RBFOX1: variants seen among roughly 807,000 people sequenced by gnomAD.
RBFOX1 encodes the protein RNA binding fox-1 homolog 1.
A neutral mutation model predicts 57.7 loss-of-function variants in RBFOX1; 8 were observed. The observed-to-expected ratio is 0.14, with a 90% CI of 0.08 to 0.25. The LOEUF (loss-of-function observed/expected upper bound fraction) is 0.25, where lower values mean the gene tolerates loss of function less well. RBFOX1 is among the 10% of genes least tolerant of loss of function. RBFOX1 has a pLI of 1.00. For missense variants in RBFOX1, 611 were observed against 548.5 expected (o/e 1.11, Z -1.14); for synonymous variants, 326 against 222.4 (o/e 1.47, Z -4.15).
chr16:7,482,079 C>G (rs372206595), intron 4 of RBFOX1, among the ~76,000 whole-genome samples: 1 of 152,230 alleles, frequency 6.6e-6, no homozygotes, highest in African/African-American at 2.4e-5. Flanking sequence ...GCGTCCACAC[C>G]TAGCAAGGGC....
intron 4 of RBFOX1, among the ~76,000 whole-genome samples, chr16:7,221,116 G>A (rs978001966): frequency 2.6e-4 from 40 of 151,954 alleles, no homozygotes; most frequent in Non-Finnish European, 4.9e-4. Context: ...TTGATTTGCT[G>A]CGTTTTATGT....
At chr16:7,569,453 C>A (rs1272032445) in intron 5 of RBFOX1, among the ~76,000 whole-genome samples, 1 of 152,228 alleles carries the variant, frequency 6.6e-6, no homozygotes, top group East Asian at 1.9e-4. Flanking sequence ...GGGGTGTTCA[C>A]TCTGACATTG....
At chr16:7,053,797 A>C (rs766637052) in intron 4 of RBFOX1, among the ~76,000 whole-genome samples, 3 of 152,188 alleles carry the variant, frequency 2.0e-5, no homozygotes, top group Admixed American at 2.0e-4. Flanking sequence ...TATGGCTCCA[A>C]TAGCCCCATC....
At chr16:6,765,363 G>C (rs983254015) in intron 3 of RBFOX1, among the ~76,000 whole-genome samples, 3 of 152,126 alleles carry the variant, frequency 2.0e-5, no homozygotes, top group Admixed American at 2.0e-4. Context: ...CGGCTTGTTG[G>C]AAAGTCCGTG....
chr16:7,590,379 G>C (rs1305451717), intron 7 of RBFOX1, among the ~76,000 whole-genome samples: 1 of 152,042 alleles, frequency 6.6e-6, no homozygotes, highest in Admixed American at 6.5e-5. Flanking sequence ...TGGGTGAATA[G>C]CAAGAATGCA....
intron 3 of RBFOX1, among the ~76,000 whole-genome samples, chr16:6,966,140 T>C (rs960907378): frequency 2.0e-5 from 3 of 152,126 alleles, no homozygotes; most frequent in African/African-American, 7.2e-5. Context: ...AAGGCATGGT[T>C]CCACTAAAAG....
intron 4 of RBFOX1, among the ~76,000 whole-genome samples, chr16:7,121,415 C>T (rs747999243): frequency 1.3e-5 from 2 of 152,038 alleles, no homozygotes; most frequent in African/African-American, 2.4e-5. Flanking sequence ...AATCATATAT[C>T]TATATACTAG....
intron 2 of RBFOX1, among the ~76,000 whole-genome samples, chr16:5,580,185 G>A (rs1246505287): frequency 6.6e-6 from 1 of 152,222 alleles, no homozygotes; most frequent in African/African-American, 2.4e-5. Flanking sequence ...CGTAGTGATG[G>A]TGCCTAGGGG....
chr16:6,256,847 G>A (rs2097670842), intron 1 of RBFOX1, among the ~76,000 whole-genome samples: 1 of 152,082 alleles, frequency 6.6e-6, no homozygotes, highest in Admixed American at 6.6e-5. Flanking sequence ...ACTGCTAAGA[G>A]CAGTATGTGG....
chr16:6,105,685 A>AT (rs1555508710), intron 1 of RBFOX1, among the ~76,000 whole-genome samples: 40 of 142,978 alleles, frequency 2.8e-4, no homozygotes, highest in African/African-American at 9.9e-4. Context: ...GTAGAAAAAA[A>AT]ATATATATAT....
At chr16:6,296,284 G>A (rs931829969) in intron 1 of RBFOX1, among the ~76,000 whole-genome samples, 3 of 152,270 alleles carry the variant, frequency 2.0e-5, no homozygotes, top group East Asian at 1.9e-4. Context: ...ATTTGGCTCC[G>A]GAAGCAGAAT....
chr16:5,759,412 C>A (rs918648271), intron 3 of RBFOX1, among the ~76,000 whole-genome samples: 11 of 152,184 alleles, frequency 7.2e-5, no homozygotes. Flanking sequence ...AATTCCTGAC[C>A]TCTCATTTGC....
intron 4 of RBFOX1, among the ~76,000 whole-genome samples, chr16:7,301,337 C>G (rs1247399993): frequency 1.3e-5 from 2 of 152,180 alleles, no homozygotes; most frequent in Non-Finnish European, 2.9e-5. Context: ...GAGAGATGTT[C>G]AGGTTTAGTT....
At chr16:6,868,796 G>T (rs1372228398) in intron 3 of RBFOX1, among the ~76,000 whole-genome samples, 1 of 152,102 alleles carries the variant, frequency 6.6e-6, no homozygotes, top group Admixed American at 6.5e-5. Flanking sequence ...TAGGTAATAA[G>T]GTTGCATCTT....
At chr16:7,595,528 C>T (rs748989465) in intron 7 of RBFOX1, 21 bp from the exon 8 acceptor site, 10 of 1,527,734 alleles carry the variant, frequency 6.5e-6, no homozygotes, top group Non-Finnish European at 8.9e-6. Context: ...TGTTGTTTTC[C>T]CTTCTCCCTC....
At chr16:6,586,348 AGC>A (rs2097617354) in intron 2 of RBFOX1, among the ~76,000 whole-genome samples, 1 of 152,226 alleles carries the variant, frequency 6.6e-6, no homozygotes, top group Non-Finnish European at 1.5e-5. Flanking sequence ...CTACAAAATG[AGC>A]AAAACCAGCA....
At chr16:6,467,889 C>T (rs866245175) in intron 2 of RBFOX1, among the ~76,000 whole-genome samples, 3 of 152,214 alleles carry the variant, frequency 2.0e-5, no homozygotes, top group Non-Finnish European at 1.5e-5. Context: ...ATGCAATCTA[C>T]ATCCCTTTGT....
intron 3 of RBFOX1, among the ~76,000 whole-genome samples, chr16:6,804,523 A>C (rs894447967): frequency 6.6e-6 from 1 of 152,154 alleles, no homozygotes; most frequent in African/African-American, 2.4e-5. Context: ...TTCATCCTAC[A>C]AATAAAGAAT....
At chr16:6,914,757 C>A (rs1000437084) in intron 3 of RBFOX1, among the ~76,000 whole-genome samples, 1 of 152,020 alleles carries the variant, frequency 6.6e-6, no homozygotes, top group Non-Finnish European at 1.5e-5. Flanking sequence ...ACCTGTAGTC[C>A]CAGCTACTTT....
Sources: gnomAD v4.1 joint callset for allele counts (sites outside exome capture counted in the v4.1 genomes callset) on GRCh38, gnomAD v4.1.1 for gene constraint, MANE v1.5 for transcripts, NCBI Gene and HGNC (gene_info 2026-07-23, HGNC 2026-07-21) for gene names.